The following GSG1L variants were observed in gnomAD, a reference collection of about 807,000 sequenced individuals.
GSG1L encodes the protein germ cell-specific gene 1-like protein.
GSG1L carries 24 observed loss-of-function variants against 42.1 expected under a neutral mutation model. The observed-to-expected ratio is 0.57, with a 90% CI of 0.41 to 0.80. The LOEUF (loss-of-function observed/expected upper bound fraction) is 0.80, where lower values mean the gene tolerates loss of function less well. Ranked by LOEUF, GSG1L falls within the 30% of genes least tolerant of loss-of-function variation. The pLI is 0.00. For missense variants in GSG1L, 445 were observed against 472.2 expected, an observed-to-expected ratio of 0.94 and a Z score of 0.53; for synonymous variants, 215 against 203.5, an observed-to-expected ratio of 1.06 and a Z score of -0.48.
At chr16:27,852,878 G>A (rs943439919) in intron 3 of GSG1L, among the ~76,000 whole-genome samples, 6 of 152,092 alleles carry the variant, frequency 3.9e-5, no homozygotes, top group African/African-American at 9.6e-5. Context: ...GAGGATGGGC[G>A]GGACTTGCCA....
chr16:27,846,657 T>C (rs2083446539), intron 3 of GSG1L, among the ~76,000 whole-genome samples: 1 of 152,170 alleles, frequency 6.6e-6, no homozygotes, highest in Non-Finnish European at 1.5e-5. Flanking sequence ...AAGATTCTGC[T>C]TCAAAATCTG....
intron 3 of GSG1L, among the ~76,000 whole-genome samples, chr16:27,878,057 G>GA (rs141760357): frequency 0.012 from 1,842 of 148,812 alleles, 35 homozygotes; most frequent in African/African-American, 0.042. Context: ...ATCTGTTAAA[G>GA]AAAAAAAAAA....
At chr16:27,987,434 C>T (rs1283921539) in intron 1 of GSG1L, among the ~76,000 whole-genome samples, 1 of 152,108 alleles carries the variant, frequency 6.6e-6, no homozygotes, top group African/African-American at 2.4e-5. Context: ...AGCAAATGGC[C>T]ATGGTGAGGC....
At chr16:27,946,199 C>T (rs1227402228) in intron 2 of GSG1L, among the ~76,000 whole-genome samples, 10 of 152,184 alleles carry the variant, frequency 6.6e-5, no homozygotes, top group Admixed American at 1.3e-4. Flanking sequence ...AGCTGCCCGG[C>T]CACTCTGGTG....
At chr16:28,026,425 T>G (rs1444438933) in intron 1 of GSG1L, among the ~76,000 whole-genome samples, 1 of 152,088 alleles carries the variant, frequency 6.6e-6, no homozygotes, top group Non-Finnish European at 1.5e-5. Context: ...AAGCCCAAGG[T>G]GGACTAGAGC....
chr16:27,878,090 T>C (rs929069130), intron 3 of GSG1L, among the ~76,000 whole-genome samples: 1 of 152,144 alleles, frequency 6.6e-6, no homozygotes, highest in Non-Finnish European at 1.5e-5. Context: ...GACAGAGTCA[T>C]GTTCTGTTGT....
rs540265612 is a variant in GSG1L at position 27,861,139 on chromosome 16, G to A, written c.551-16078C>T. Among the ~76,000 whole-genome samples the A allele has an allele frequency of 1.5e-4, 23 of 152,248 alleles. No homozygotes were observed. The East Asian group carries it at 2.5e-3, about 17-fold the overall frequency. ...TCCCAGCACTCTGGGAGGCCAAGGCGGGCAGATCACCTGAGGTCAGGAGTT... is the reference window on the plus strand; with the variant it reads ...TCCCAGCACTCTGGGAGGCCAAGGCAGGCAGATCACCTGAGGTCAGGAGTT... On this transcript the variant is annotated intron_variant, in intron 3 of 6. Coordinates refer to ENST00000447459, the MANE Select transcript of GSG1L (RefSeq NM_001109763.2).
At chr16:27,997,152 C>A (rs1227118795) in intron 1 of GSG1L, among the ~76,000 whole-genome samples, 1 of 152,030 alleles carries the variant, frequency 6.6e-6, no homozygotes, top group African/African-American at 2.4e-5. Flanking sequence ...CTAGAGGAGG[C>A]TCCAGGGAAG....
intron 2 of GSG1L, among the ~76,000 whole-genome samples, chr16:27,885,970 C>G (rs1567504368): frequency 6.6e-6 from 1 of 152,168 alleles, no homozygotes; most frequent in Non-Finnish European, 1.5e-5. Context: ...ATGATTCCTG[C>G]ATGCTTTTTG....
chr16:27,887,864 A>G (rs2084048241), intron 2 of GSG1L, among the ~76,000 whole-genome samples: 1 of 151,666 alleles, frequency 6.6e-6, no homozygotes, highest in South Asian at 2.1e-4. Flanking sequence ...GGATTGTTGT[A>G]AGAGAATAAT....
intron 1 of GSG1L, among the ~76,000 whole-genome samples, chr16:28,019,515 C>A (rs2085815678): frequency 6.6e-6 from 1 of 152,346 alleles, no homozygotes; most frequent in East Asian, 1.9e-4. Flanking sequence ...AGTACTCATT[C>A]TTTGACACCT....
chr16:27,813,342 C>A (rs1429012080), intron 5 of GSG1L, among the ~76,000 whole-genome samples: 1 of 152,116 alleles, frequency 6.6e-6, no homozygotes, highest in Non-Finnish European at 1.5e-5. Flanking sequence ...TCTGTTCCTG[C>A]GTTGGTTTGC....
At chr16:28,049,247 AAATTCCTTTT>A in intron 1 of GSG1L, among the ~76,000 whole-genome samples, 1 of 152,234 alleles carries the variant, frequency 6.6e-6, no homozygotes, top group Non-Finnish European at 1.5e-5. Flanking sequence ...ATTCCTTTTA[AAATTCCTTTT>A]AATTCCTTTT....
chr16:27,894,530 G>A (rs1054673469), intron 2 of GSG1L, among the ~76,000 whole-genome samples: 4 of 152,216 alleles, frequency 2.6e-5, no homozygotes, highest in Admixed American at 2.0e-4. Flanking sequence ...CGCAGTGGCC[G>A]CTGGCTGTGA....
Position 27,790,362 on chromosome 16 carries a change from C to T in GSG1L, c.*1008G>A, listed in dbSNP as rs2082737873. On this transcript the variant is annotated 3_prime_UTR_variant, in exon 7 of 7. Transcript: ENST00000447459. ...AGGAATAAGGCCTCTTGGGAAATGA[C>T]TGAACTTGGAGTCAGGAGTCCTGAT... 1 of 152,188 alleles carries T rather than the reference C, an allele frequency of 6.6e-6. No individual in the cohort carries two copies. Among genetic ancestry groups the T allele is most frequent in the Admixed American group, 6.5e-5 (1 of 15,286 alleles). 9.4% of individuals were successfully genotyped at this position (152,188 alleles called of 1,614,324 possible).
At chr16:27,903,631 C>A (rs705916) in intron 2 of GSG1L, among the ~76,000 whole-genome samples, 128,344 of 152,136 alleles carry the variant, frequency 0.84, 54,530 homozygotes, top group South Asian at 0.9. Context: ...TCCAGATGCT[C>A]AGATGCCCCC....
At chr16:27,845,907 ACTT>A (rs1399815244) in intron 3 of GSG1L, among the ~76,000 whole-genome samples, 1 of 150,408 alleles carries the variant, frequency 6.6e-6, no homozygotes, top group Non-Finnish European at 1.5e-5. Context: ...CAATTAATAA[ACTT>A]TTTTTTTTTT....
At chr16:27,796,065 GC>G (rs2082814628) in intron 6 of GSG1L, among the ~76,000 whole-genome samples, 1 of 152,206 alleles carries the variant, frequency 6.6e-6, no homozygotes, top group Non-Finnish European at 1.5e-5. Flanking sequence ...AGGTCTCTCT[GC>G]AGCTGGCAGA....
At chr16:28,038,855 A>C in intron 1 of GSG1L, among the ~76,000 whole-genome samples, 1 of 152,214 alleles carries the variant, frequency 6.6e-6, no homozygotes, top group East Asian at 1.9e-4. Flanking sequence ...CATTTCTGTA[A>C]CATTCTGCCC....
Sources: allele counts gnomAD v4.1 joint callset (sites outside exome capture counted in the v4.1 genomes callset), GRCh38; gene constraint gnomAD v4.1.1; transcripts MANE v1.5; gene names NCBI Gene and HGNC (gene_info 2026-07-23, HGNC 2026-07-21).